Variants in FAM168A observed in about 807,000 individuals in gnomAD.
FAM168A encodes protein FAM168A.
In FAM168A, 3 loss-of-function variants were observed where a neutral mutation model predicts 28.5. The observed-to-expected ratio is 0.11, with a 90% CI of 0.05 to 0.27. FAM168A has a LOEUF of 0.27. Among genes scored for constraint, FAM168A ranks in the 10% least tolerant of loss-of-function variants. The pLI, the probability that FAM168A is intolerant of heterozygous loss-of-function variation, is 1.00. For missense variants in FAM168A, 222 were observed against 311.5 expected, an observed-to-expected ratio of 0.71 and a Z score of 2.16; for synonymous variants, 122 against 124.2, an observed-to-expected ratio of 0.98 and a Z score of 0.12.
chr11:73,557,516 C>T (rs891237924), intron 1 of FAM168A, among the ~76,000 whole-genome samples: 3 of 152,094 alleles, frequency 2.0e-5, no homozygotes, highest in Non-Finnish European at 2.9e-5. Flanking sequence ...AGGCATGAGC[C>T]ACCATCTCTG....
At chr11:73,441,062 C>CTTT (rs368552302) in intron 2 of FAM168A, among the ~76,000 whole-genome samples, 2,212 of 143,124 alleles carry the variant, frequency 0.015, 64 homozygotes, top group African/African-American at 0.055. Context: ...ATCAGACAGA[C>CTTT]TTTTTTTTTT....
chr11:73,539,683 C>T (rs7118920), intron 1 of FAM168A, among the ~76,000 whole-genome samples: 8,545 of 152,274 alleles, frequency 0.056, 841 homozygotes, highest in African/African-American at 0.2. Flanking sequence ...GCATCCTTTA[C>T]AGTGCAGTTC....
At chr11:73,597,173 C>G (rs1378665168) in intron 1 of FAM168A, among the ~76,000 whole-genome samples, 1 of 152,084 alleles carries the variant, frequency 6.6e-6, no homozygotes, top group African/African-American at 2.4e-5. Context: ...CACCATCACA[C>G]TCCCCTCACT....
intron 1 of FAM168A, among the ~76,000 whole-genome samples, chr11:73,565,646 T>A (rs1944012932): frequency 6.7e-6 from 1 of 148,628 alleles, no homozygotes; most frequent in African/African-American, 2.6e-5. Context: ...TTAGTTATGT[T>A]CCCTAACTCT....
At chr11:73,496,655 C>T (rs1026383774) in intron 1 of FAM168A, among the ~76,000 whole-genome samples, 13 of 152,082 alleles carry the variant, frequency 8.5e-5, no homozygotes, top group Admixed American at 6.5e-4. Flanking sequence ...CCGCCTCCCG[C>T]GTTCACGCCA....
chr11:73,443,936 C>T (rs1867252709), intron 2 of FAM168A, among the ~76,000 whole-genome samples: 1 of 152,120 alleles, frequency 6.6e-6, no homozygotes. Flanking sequence ...AGAGCAAGCC[C>T]TAAACTTACT....
At chr11:73,492,457 T>C (rs1868141638) in intron 1 of FAM168A, among the ~76,000 whole-genome samples, 1 of 151,960 alleles carries the variant, frequency 6.6e-6, no homozygotes, top group South Asian at 2.1e-4. Context: ...ACCAGCATGG[T>C]GAAACCCCAT....
At chr11:73,547,075 A>T (rs762441584) in intron 1 of FAM168A, among the ~76,000 whole-genome samples, 1 of 147,860 alleles carries the variant, frequency 6.8e-6, no homozygotes, top group Non-Finnish European at 1.5e-5. Context: ...GCTTGAGCCC[A>T]GAAGTTCAAG....
chr11:73,534,177 A>C (rs530007150), intron 1 of FAM168A, among the ~76,000 whole-genome samples: 3 of 152,334 alleles, frequency 2.0e-5, no homozygotes, highest in African/African-American at 7.2e-5. Flanking sequence ...ATGAAGTGTA[A>C]AACCATAAAA....
intron 1 of FAM168A, among the ~76,000 whole-genome samples, chr11:73,484,536 C>CTA (rs1413671043): frequency 4.9e-5 from 7 of 143,912 alleles, no homozygotes; most frequent in African/African-American, 1.8e-4. Flanking sequence ...ATCTATATAT[C>CTA]TATATATCTA....
In FAM168A at chr11:73,464,864, C is replaced by CTTT. The variant is rs111906921; in HGVS notation, c.70+3540_70+3541insAAA. On this transcript the variant is annotated intron_variant, in intron 2 of 7. Transcript: ENST00000356467. ...GAAGGCATTCCTAACCCTGTTTTAT[C>CTTT]ATTTTTTTTTTTTAAAACAAATGAT... is the stretch of plus-strand genomic sequence containing the variant. Among the ~76,000 whole-genome samples the CTTT allele has an allele frequency of 1.1e-3, 167 of 148,566 alleles. 1 individual carries two copies. Among genetic ancestry groups the CTTT allele is most frequent in the African/African-American group, 3.9e-3 (159 of 40,392 alleles).
rs144309925 is a variant in FAM168A at position 73,581,082 on chromosome 11, C to T, written c.-19+16841G>A. Among the ~76,000 whole-genome samples the T allele has an allele frequency of 5.9e-3, 893 of 152,310 alleles. 8 individuals carry two copies. Among genetic ancestry groups the T allele is most frequent in the Middle Eastern group, 0.027 (8 of 294 alleles). ...TTCACTTCCTGAAAGTCAGGGTCAG[C>T]TTATGAAAAGTTGTTAAACAACATG... On this transcript the variant is annotated intron_variant, in intron 1 of 7. Coordinates refer to ENST00000356467, the MANE Select transcript of FAM168A (RefSeq NM_015159.3).
At chr11:73,480,216 C>T (rs906135310) in intron 1 of FAM168A, among the ~76,000 whole-genome samples, 3 of 152,152 alleles carry the variant, frequency 2.0e-5, no homozygotes, top group Non-Finnish European at 4.4e-5. Flanking sequence ...AAAAGCTCAA[C>T]ACCCAGCTTT....
At chr11:73,549,535 C>T (rs542583872) in intron 1 of FAM168A, among the ~76,000 whole-genome samples, 4 of 152,266 alleles carry the variant, frequency 2.6e-5, no homozygotes, top group African/African-American at 7.2e-5. Flanking sequence ...TGCAGGACAG[C>T]GCTATGTCTA....
At chr11:73,457,439 A>G (rs961576534) in intron 2 of FAM168A, among the ~76,000 whole-genome samples, 6 of 151,978 alleles carry the variant, frequency 3.9e-5, no homozygotes, top group African/African-American at 1.4e-4. Context: ...TACCAGGGCT[A>G]GAGGCAGGGC....
chr11:73,521,659 C>T (rs575375463), intron 1 of FAM168A, among the ~76,000 whole-genome samples: 4 of 152,050 alleles, frequency 2.6e-5, no homozygotes, highest in African/African-American at 7.2e-5. Flanking sequence ...AGGGAGCTTG[C>T]AGCTAATGTC....
intron 2 of FAM168A, among the ~76,000 whole-genome samples, chr11:73,433,113 C>CG (rs1229981046): frequency 1.3e-5 from 1 of 78,482 alleles, no homozygotes; most frequent in Non-Finnish European, 2.1e-5. Flanking sequence ...TTTGTAGAGA[C>CG]GGGGGTCTCA....
intron 1 of FAM168A, among the ~76,000 whole-genome samples, chr11:73,547,163 G>A (rs755198274): frequency 1.5e-4 from 22 of 148,998 alleles, no homozygotes; most frequent in Non-Finnish European, 2.2e-4. Context: ...AGGAAAAGGC[G>A]GGGGGGAGGA....
At chr11:73,482,778 A>G (rs1867985153) in intron 1 of FAM168A, among the ~76,000 whole-genome samples, 1 of 152,040 alleles carries the variant, frequency 6.6e-6, no homozygotes, top group African/African-American at 2.4e-5. Context: ...TCGCTCTGTC[A>G]CCCGGGCTGG....
Sources: gnomAD v4.1 joint callset for allele counts (sites outside exome capture counted in the v4.1 genomes callset) on GRCh38, gnomAD v4.1.1 for gene constraint, MANE v1.5 for transcripts, NCBI Gene and HGNC (gene_info 2026-07-23, HGNC 2026-07-21) for gene names.